Variants in PTPRD observed in about 807,000 individuals in gnomAD.
The protein encoded by PTPRD is receptor-type tyrosine-protein phosphatase delta.
PTPRD carries 34 observed loss-of-function variants against 214.5 expected under a neutral mutation model. That is an observed-to-expected ratio of 0.16 (90% CI 0.12 to 0.21). The LOEUF (loss-of-function observed/expected upper bound fraction) is 0.21, where lower values mean the gene tolerates loss of function less well. Among genes scored for constraint, PTPRD ranks in the 10% least tolerant of loss-of-function variants. The pLI is 1.00. For missense variants in PTPRD, 2,545 were observed against 2,398.7 expected (o/e 1.06, Z -1.27); for synonymous variants, 1,128 against 845.7 (o/e 1.33, Z -5.79).
At position 8,905,244 on chromosome 9, in the gene PTPRD, T is replaced by A. The variant is rs775834108; in HGVS notation, c.-104+113453A>T. 3.3e-5 allele frequency among the ~76,000 whole-genome samples: 5 copies of A among 152,200 alleles called. No homozygotes were observed. In the South Asian group the frequency reaches 8.3e-4, roughly 25 times the overall value. ...TAAAGCATTCTGTGATGATTTTAAT[T>A]TGGCCATGGTTTGCATTTCTGTTCC... On this transcript the variant is annotated intron_variant, in intron 11 of 45. Transcript: ENST00000381196.
intron 7 of PTPRD, among the ~76,000 whole-genome samples, chr9:9,640,862 T>C (rs1185994773): frequency 1.3e-5 from 2 of 152,230 alleles, no homozygotes. Flanking sequence ...AAATAACGGA[T>C]ACTTAAAGCA....
chr9:8,696,869 G>A (rs563797413), intron 12 of PTPRD, among the ~76,000 whole-genome samples: 10 of 152,280 alleles, frequency 6.6e-5, no homozygotes, highest in Admixed American at 2.6e-4. Context: ...TAGTATTCCT[G>A]CCAGAATTGT....
At chr9:8,692,594 C>A (rs1185531666) in intron 12 of PTPRD, among the ~76,000 whole-genome samples, 2 of 152,074 alleles carry the variant, frequency 1.3e-5, no homozygotes, top group African/African-American at 2.4e-5. Flanking sequence ...CTTTGATTTC[C>A]AAGAAAATGG....
intron 11 of PTPRD, among the ~76,000 whole-genome samples, chr9:9,013,984 T>C (rs959621058): frequency 2.6e-5 from 4 of 152,104 alleles, no homozygotes; most frequent in Non-Finnish European, 5.9e-5. Flanking sequence ...GCTCCCTCAC[T>C]CTTGAACTCT....
chr9:10,047,373 G>C (rs1342994597), intron 3 of PTPRD, among the ~76,000 whole-genome samples: 1 of 139,132 alleles, frequency 7.2e-6, no homozygotes, highest in Non-Finnish European at 1.5e-5. Context: ...AATGCCTGTA[G>C]ATATTTTAGC....
At chr9:9,385,527 T>C (rs1006599991) in intron 9 of PTPRD, among the ~76,000 whole-genome samples, 1 of 152,162 alleles carries the variant, frequency 6.6e-6, no homozygotes, top group Non-Finnish European at 1.5e-5. Flanking sequence ...GGAAAGTGTG[T>C]GAAATAAAGT....
intron 4 of PTPRD, among the ~76,000 whole-genome samples, chr9:10,011,164 AG>A (rs1227555239): frequency 6.6e-5 from 10 of 152,126 alleles, no homozygotes; most frequent in African/African-American, 2.4e-4. Flanking sequence ...CACACAGATT[AG>A]ACTATTTTTC....
At chr9:10,114,078 C>G (rs981107704) in intron 3 of PTPRD, among the ~76,000 whole-genome samples, 1 of 152,144 alleles carries the variant, frequency 6.6e-6, no homozygotes, top group Non-Finnish European at 1.5e-5. Context: ...AGATGGTTCT[C>G]AGTCCCACTT....
intron 41 of PTPRD, 33 bp from the exon 42 acceptor site, chr9:8,340,502 A>G: frequency 6.6e-7 from 1 of 1,521,052 alleles, no homozygotes; most frequent in Non-Finnish European, 9.0e-7. Flanking sequence ...AATGTGTTAA[A>G]GTATTTAGAG....
At chr9:8,856,870 T>C (rs975518092) in intron 11 of PTPRD, among the ~76,000 whole-genome samples, 7 of 152,162 alleles carry the variant, frequency 4.6e-5, no homozygotes, top group Non-Finnish European at 8.8e-5. Flanking sequence ...TAAATGAAAA[T>C]CAACGTCCAG....
chr9:9,671,280 A>G (rs547671711), intron 7 of PTPRD, among the ~76,000 whole-genome samples: 1 of 152,228 alleles, frequency 6.6e-6, no homozygotes, highest in South Asian at 2.1e-4. Flanking sequence ...GTTTTGGCCA[A>G]TGTCTCCCAC....
At chr9:9,448,500 G>T (rs753195601) in intron 8 of PTPRD, among the ~76,000 whole-genome samples, 3 of 152,016 alleles carry the variant, frequency 2.0e-5, no homozygotes, top group Non-Finnish European at 4.4e-5. Context: ...TTCCAATGCT[G>T]CTATGATTGT....
At chr9:9,893,337 C>G (rs1161540109) in intron 5 of PTPRD, among the ~76,000 whole-genome samples, 1 of 151,936 alleles carries the variant, frequency 6.6e-6, no homozygotes, top group Admixed American at 6.6e-5. Context: ...GAGTGGCAAG[C>G]TAGATAAGGA....
chr9:8,915,922 C>G (rs1463181624), intron 11 of PTPRD, among the ~76,000 whole-genome samples: 1 of 152,136 alleles, frequency 6.6e-6, no homozygotes, highest in Non-Finnish European at 1.5e-5. Context: ...GTTAAGTTGA[C>G]ATACATAATT....
chr9:10,003,274 T>A (rs1422851388), intron 4 of PTPRD, among the ~76,000 whole-genome samples: 1 of 151,512 alleles, frequency 6.6e-6, no homozygotes, highest in Non-Finnish European at 1.5e-5. Context: ...AATGAGGAAG[T>A]GAGATAAAGG....
chr9:9,931,865 C>T (rs1008526375), intron 5 of PTPRD, among the ~76,000 whole-genome samples: 95 of 150,632 alleles, frequency 6.3e-4, no homozygotes, highest in African/African-American at 1.6e-3. Context: ...TCTCCCAGCA[C>T]GCAGCTGGAG....
At chr9:10,132,711 C>T (rs370356764) in intron 3 of PTPRD, among the ~76,000 whole-genome samples, 2 of 152,116 alleles carry the variant, frequency 1.3e-5, no homozygotes, top group African/African-American at 4.8e-5. Context: ...AAGTGGAAGC[C>T]CATTCTGTAC....
chr9:10,147,145 C>T (rs1371098629), intron 3 of PTPRD, among the ~76,000 whole-genome samples: 1 of 152,074 alleles, frequency 6.6e-6, no homozygotes, highest in Non-Finnish European at 1.5e-5. Flanking sequence ...GGAGATGAAC[C>T]CTTTTCTATC....
intron 9 of PTPRD, among the ~76,000 whole-genome samples, chr9:9,208,947 A>G (rs961035893): frequency 1.3e-5 from 2 of 151,934 alleles, no homozygotes; most frequent in Non-Finnish European, 2.9e-5. Context: ...AGCTGGAACC[A>G]CAGGCGCCCG....
Sources: allele counts gnomAD v4.1 joint callset (sites outside exome capture counted in the v4.1 genomes callset), GRCh38; gene constraint gnomAD v4.1.1; transcripts MANE v1.5; gene names NCBI Gene and HGNC (gene_info 2026-07-23, HGNC 2026-07-21).